The following MAPK4 variants were observed in gnomAD, a reference collection of about 807,000 sequenced individuals.
MAPK4 encodes the protein Erk3-related.
Under a neutral mutation model 47.7 loss-of-function variants are expected in MAPK4, and 22 were observed. The observed-to-expected ratio is 0.46, with a 90% CI of 0.33 to 0.66. The LOEUF (loss-of-function observed/expected upper bound fraction) is 0.66. Ranked by LOEUF, MAPK4 falls within the 30% of genes least tolerant of loss-of-function variation. The pLI is 0.02. For missense variants in MAPK4, 736 were observed against 831.7 expected (o/e 0.88, Z 1.42); for synonymous variants, 390 against 365.7 (o/e 1.07, Z -0.76).
At chr18:50,645,772 C>T (rs2042983365) in intron 1 of MAPK4, among the ~76,000 whole-genome samples, 1 of 152,134 alleles carries the variant, frequency 6.6e-6, no homozygotes, top group South Asian at 2.1e-4. Flanking sequence ...GAGGGCATGG[C>T]ATCTGAGGGT....
At chr18:50,574,084 A>G (rs976613946) in intron 1 of MAPK4, among the ~76,000 whole-genome samples, 12 of 152,150 alleles carry the variant, frequency 7.9e-5, no homozygotes, top group East Asian at 7.7e-4. Flanking sequence ...TTTATTCTAG[A>G]CATTCTTTTT....
chr18:50,599,685 C>T (rs1032850659), intron 1 of MAPK4, among the ~76,000 whole-genome samples: 1 of 152,142 alleles, frequency 6.6e-6, no homozygotes, highest in African/African-American at 2.4e-5. Context: ...TCCCAAAGTG[C>T]TGGGTTTACA....
chr18:50,678,106 C>T lies in MAPK4; in HGVS notation c.546+13602C>T, dbSNP rs534879804. 4.7e-4 allele frequency among the ~76,000 whole-genome samples: 71 copies of T among 152,306 alleles called. No homozygotes were observed. Among genetic ancestry groups the T allele is most frequent in the Non-Finnish European group, 9.6e-4 (65 of 68,036 alleles). On this transcript the variant is annotated intron_variant, in intron 2 of 5. Transcript: ENST00000400384. The surrounding 1 kb of genome is among the most constrained non-coding windows in gnomAD (Gnocchi z 4.2). Reference sequence around the variant, plus strand: ...CTCAGGTTTCTGTGTTCTCAGATACCTAAAATTGTACCACTAATAGTAAAT... The same window carrying T: ...CTCAGGTTTCTGTGTTCTCAGATACTTAAAATTGTACCACTAATAGTAAAT...
chr18:50,636,429 G>A (rs969382864), intron 1 of MAPK4, among the ~76,000 whole-genome samples: 27 of 152,272 alleles, frequency 1.8e-4, no homozygotes, highest in Middle Eastern at 3.4e-3. Context: ...AAGTATCTGT[G>A]GACTAAATAC....
In MAPK4 at chr18:50,729,668, G is replaced by A. The variant is rs374164796; in HGVS notation, c.1578G>A (p.Pro526=). 2.0e-5 allele frequency: 31 copies of A among 1,515,344 alleles called. No individual in the cohort carries two copies. The Admixed American group carries it at 2.3e-4, about 11-fold the overall frequency. 93.9% of individuals were successfully genotyped at this position (1,515,344 alleles called of 1,614,324 possible). A position where few individuals can be genotyped will look rare whatever the true frequency, so the allele number is the denominator to read the frequency against. ...TGTCTGCCTCGCCCCCCGGCCGCCC[G>A]GCCCCGGTGGACGGCGGCGCCAGCC... The part of the protein sequence containing the change: ...RRLSASPPGR[P]APVDGGASPQ... Residue 526 remains proline, a synonymous_variant, in exon 6 of 6, where the codon CCG becomes CCA. Coordinates refer to ENST00000400384, the MANE Select transcript of MAPK4 (RefSeq NM_002747.4).
intron 1 of MAPK4, among the ~76,000 whole-genome samples, chr18:50,591,824 G>A (rs2042438598): frequency 6.6e-6 from 1 of 151,936 alleles, no homozygotes; most frequent in Non-Finnish European, 1.5e-5. Flanking sequence ...CTGCCAAAGG[G>A]TCCTCTTTCC....
intron 5 of MAPK4, among the ~76,000 whole-genome samples, chr18:50,726,590 T>C (rs767308267): frequency 4.6e-5 from 7 of 152,186 alleles, no homozygotes; most frequent in Admixed American, 6.5e-5. Flanking sequence ...TGTTTCATGT[T>C]GGTAACTCTT....
intron 1 of MAPK4, among the ~76,000 whole-genome samples, chr18:50,611,253 G>C (rs1489047310): frequency 6.6e-6 from 1 of 152,200 alleles, no homozygotes; most frequent in African/African-American, 2.4e-5. Context: ...TACTCACTTA[G>C]AGACACCATT....
intron 1 of MAPK4, among the ~76,000 whole-genome samples, chr18:50,561,176 G>T (rs967025958): frequency 1.3e-5 from 2 of 152,236 alleles, no homozygotes; most frequent in Non-Finnish European, 2.9e-5. Flanking sequence ...GCCGCGTACT[G>T]TCACGCGCCT....
intron 1 of MAPK4, among the ~76,000 whole-genome samples, chr18:50,641,329 G>A (rs2042939284): frequency 6.8e-6 from 1 of 146,940 alleles, no homozygotes; most frequent in Non-Finnish European, 1.5e-5. Flanking sequence ...TTATCTGTAG[G>A]GAAGTTCATA....
In MAPK4 at chr18:50,608,831, A is replaced by G. The variant is rs190206733; in HGVS notation, c.-871+48588A>G. On this transcript the variant is annotated intron_variant, in intron 1 of 5. Coordinates refer to ENST00000400384, the MANE Select transcript of MAPK4 (RefSeq NM_002747.4). ...GGAAGGTCAGCAGATAAACAAGTGA[A>G]CAAGGGTATCTGGGTTTCCTGGGCA... 1.4e-4 allele frequency among the ~76,000 whole-genome samples: 22 copies of G among 152,250 alleles called. No individual in the cohort carries two copies. The East Asian group carries it at 4.3e-3, about 29-fold the overall frequency.
chr18:50,715,090 A>T lies in MAPK4; in HGVS notation c.558A>T (p.Ser186=), dbSNP rs1267018905. The part of the protein sequence containing the change: ...DQHYSHKGYL[S]EGLVTKWYRS... ...ATTTTGTCTTTCAGGGTTATCTGTCAGAAGGGTTGGTAACAAAGTGGTACC... is the reference window on the plus strand; with the variant it reads ...ATTTTGTCTTTCAGGGTTATCTGTCTGAAGGGTTGGTAACAAAGTGGTACC... Residue 186 remains serine, a synonymous_variant, in exon 3 of 6, where the codon TCA becomes TCT. Transcript: ENST00000400384. 6.2e-7 allele frequency: 1 copy of T among 1,613,998 alleles called. No homozygotes were observed.
chr18:50,582,788 G>A (rs1251467673), intron 1 of MAPK4, among the ~76,000 whole-genome samples: 1 of 152,252 alleles, frequency 6.6e-6, no homozygotes. Flanking sequence ...CAGCTTCCAT[G>A]TTGGGCACCA....
rs1263386441 is a variant in MAPK4 at position 50,663,091 on chromosome 18, AAGG to A, written c.-865_-863del. On this transcript the variant is annotated 5_prime_UTR_variant, in exon 2 of 6. Coordinates refer to ENST00000400384, the MANE Select transcript of MAPK4 (RefSeq NM_002747.4). ...ACCCAACGTTATTTCTTTGACAGGG[AAGG>A]AGACTTGGTCTGAAAGATGCCACAT... 2.0e-5 allele frequency: 3 copies of A among 152,226 alleles called. No homozygotes were observed. Among genetic ancestry groups the A allele is most frequent in the Admixed American group, 2.0e-4 (3 of 15,284 alleles). The allele number at this position is 152,226 out of a possible 1,614,324, so 9.4% of individuals were successfully genotyped here.
intron 2 of MAPK4, chr18:50,669,171 G>A (rs538816574): frequency 1.8e-4 from 28 of 152,418 alleles, no homozygotes; most frequent in African/African-American, 6.7e-4. Context: ...GTGGTCCTGT[G>A]ACAAGCCCTT....
chr18:50,614,584 T>C (rs1051187587), intron 1 of MAPK4, among the ~76,000 whole-genome samples: 30 of 152,332 alleles, frequency 2.0e-4, no homozygotes, highest in Admixed American at 5.9e-4. Flanking sequence ...GTTTCACCTG[T>C]ATCAAAATAT....
intron 1 of MAPK4, among the ~76,000 whole-genome samples, chr18:50,627,066 T>C (rs1309673243): frequency 8.8e-6 from 1 of 114,178 alleles, no homozygotes; most frequent in Admixed American, 1.1e-4. Flanking sequence ...CGCCCACTCA[T>C]CTTGGCCACA....
intron 2 of MAPK4, among the ~76,000 whole-genome samples, chr18:50,684,053 G>C (rs1908733060): frequency 6.6e-6 from 1 of 152,196 alleles, no homozygotes; most frequent in African/African-American, 2.4e-5. Flanking sequence ...TCCTGAGCCA[G>C]AGAGAGCCAG....
chr18:50,714,394 C>G (rs920794460), intron 2 of MAPK4, among the ~76,000 whole-genome samples: 1 of 152,192 alleles, frequency 6.6e-6, no homozygotes, highest in African/African-American at 2.4e-5. Context: ...TCTCAGACCA[C>G]AAATCACTGA....
Sources: gnomAD v4.1 joint callset for allele counts (sites outside exome capture counted in the v4.1 genomes callset) on GRCh38, gnomAD v4.1.1 for gene constraint, Gnocchi (gnomAD v3.1) non-coding constraint, MANE v1.5 for transcripts, NCBI Gene and HGNC (gene_info 2026-07-23, HGNC 2026-07-21) for gene names.